LINGO2: variants seen among roughly 807,000 people sequenced by gnomAD.
LINGO2 encodes the protein leucine-rich repeat and immunoglobulin-like domain-containing nogo receptor-interacting protein 2.
Under a neutral mutation model 30.6 loss-of-function variants are expected in LINGO2, and 14 were observed. The observed-to-expected ratio is 0.46, with a 90% CI of 0.30 to 0.72. The LOEUF is 0.72. Among genes scored for constraint, LINGO2 ranks in the 30% least tolerant of loss-of-function variants. LINGO2 has a pLI of 0.07. For missense variants in LINGO2, 729 were observed against 751.7 expected (o/e 0.97, Z 0.35); for synonymous variants, 317 against 288.5 (o/e 1.10, Z -1.00).
the LINGO2 span, among the ~76,000 whole-genome samples, chr9:28,721,873 G>A: frequency 6.6e-6 from 1 of 151,434 alleles, no homozygotes; most frequent in Non-Finnish European, 1.5e-5. Context: ...CCAAAGTCTA[G>A]CTTTGGGCTC....
chr9:28,880,591 T>C, the LINGO2 span, among the ~76,000 whole-genome samples: 11 of 152,132 alleles, frequency 7.2e-5, no homozygotes, highest in South Asian at 1.9e-3. Context: ...GTCTGAAATA[T>C]GGCCTCGTGG....
chr9:28,642,727 C>A (rs4609273), intron 1 of LINGO2, among the ~76,000 whole-genome samples: 42,294 of 151,968 alleles, frequency 0.28, 6,801 homozygotes, highest in African/African-American at 0.45. Flanking sequence ...ATGACTCCTT[C>A]TGCTTATTAT....
At chr9:27,964,659 A>T (rs1820009605) in intron 5 of LINGO2, among the ~76,000 whole-genome samples, 1 of 152,058 alleles carries the variant, frequency 6.6e-6, no homozygotes, top group African/African-American at 2.4e-5. Flanking sequence ...GAAAATTGTT[A>T]TTTAATTGGA....
At chr9:28,884,195 GT>G in the LINGO2 span, among the ~76,000 whole-genome samples, 2 of 151,872 alleles carry the variant, frequency 1.3e-5, no homozygotes, top group African/African-American at 4.8e-5. Flanking sequence ...TTCCCTTACA[GT>G]TTTTGTTTTG....
At chr9:28,966,768 T>C in the LINGO2 span, among the ~76,000 whole-genome samples, 46 of 152,228 alleles carry the variant, frequency 3.0e-4, no homozygotes, top group African/African-American at 9.6e-4. Context: ...GTCCCCAGGA[T>C]GAACTGCTTT....
the LINGO2 span, among the ~76,000 whole-genome samples, chr9:28,710,806 A>C: frequency 2.0e-5 from 3 of 152,154 alleles, no homozygotes; most frequent in Non-Finnish European, 4.4e-5. Flanking sequence ...CATTAGATTT[A>C]AAAAAATATC....
At chr9:28,721,486 A>C in the LINGO2 span, among the ~76,000 whole-genome samples, 1 of 152,324 alleles carries the variant, frequency 6.6e-6, no homozygotes, top group Admixed American at 6.5e-5. Flanking sequence ...GCCATAAAAA[A>C]GGATGAGTTC....
chr9:29,071,058 C>A, the LINGO2 span, among the ~76,000 whole-genome samples: 5 of 149,748 alleles, frequency 3.3e-5, no homozygotes, highest in Non-Finnish European at 5.9e-5. Context: ...ACATACAGAC[C>A]CATACATATT....
At chr9:28,556,110 A>T (rs964075987) in intron 1 of LINGO2, among the ~76,000 whole-genome samples, 13 of 151,712 alleles carry the variant, frequency 8.6e-5, no homozygotes, top group Non-Finnish European at 1.9e-4. Context: ...CTCTCTCACC[A>T]CTCCTATTCA....
intron 1 of LINGO2, among the ~76,000 whole-genome samples, chr9:28,608,522 C>G (rs1825785574): frequency 6.6e-6 from 1 of 151,914 alleles, no homozygotes; most frequent in African/African-American, 2.4e-5. Context: ...GCATAAATAG[C>G]AGAAGGTTCT....
chr9:28,267,062 A>G lies in LINGO2; in HGVS notation c.-87+28146T>C, dbSNP rs374680153. On this transcript the variant is annotated intron_variant, in intron 4 of 5. Transcript: ENST00000379992. ...GAATTCTTCTTCCATGTTTCCAGAC[A>G]GTGCAATAATGCCCTGTTTGTGTAG... Among the ~76,000 whole-genome samples, 33 of 152,174 alleles carry G rather than the reference A, an allele frequency of 2.2e-4. 1 individual carries two copies. Among genetic ancestry groups the G allele is most frequent in the African/African-American group, 7.5e-4 (31 of 41,546 alleles).
chr9:28,582,417 T>C (rs1824301818), intron 1 of LINGO2, among the ~76,000 whole-genome samples: 1 of 152,052 alleles, frequency 6.6e-6, no homozygotes, highest in Non-Finnish European at 1.5e-5. Context: ...AATCAGTCAT[T>C]CAACAATGGC....
chr9:28,604,393 C>T (rs1825617752), intron 1 of LINGO2, among the ~76,000 whole-genome samples: 1 of 151,966 alleles, frequency 6.6e-6, no homozygotes, highest in African/African-American at 2.4e-5. Flanking sequence ...AGCCCTTGTT[C>T]AATTTGGATT....
At chr9:28,290,188 C>G (rs1209889071) in intron 4 of LINGO2, among the ~76,000 whole-genome samples, 3 of 152,168 alleles carry the variant, frequency 2.0e-5, no homozygotes, top group East Asian at 3.8e-4. Flanking sequence ...GACAACTGAA[C>G]CCAAGTTGGG....
intron 4 of LINGO2, among the ~76,000 whole-genome samples, chr9:28,150,043 G>A (rs1256616960): frequency 6.6e-6 from 1 of 151,374 alleles, no homozygotes; most frequent in Non-Finnish European, 1.5e-5. Flanking sequence ...CTCACCATCT[G>A]GGAAATGAGG....
chr9:28,742,995 C>T, the LINGO2 span, among the ~76,000 whole-genome samples: 7 of 152,024 alleles, frequency 4.6e-5, no homozygotes, highest in East Asian at 1.4e-3. Context: ...TAGTTACCTA[C>T]ATAATTGCCT....
At chr9:28,631,968 T>G (rs896775741) in intron 1 of LINGO2, among the ~76,000 whole-genome samples, 2 of 152,172 alleles carry the variant, frequency 1.3e-5, no homozygotes, top group African/African-American at 4.8e-5. Context: ...GTCTATACAT[T>G]CCTAAAGATC....
chr9:28,455,692 A>G (rs1489865996), intron 2 of LINGO2, among the ~76,000 whole-genome samples: 1 of 152,164 alleles, frequency 6.6e-6, no homozygotes, highest in African/African-American at 2.4e-5. Flanking sequence ...CTTACAACCC[A>G]GCAATGGCAT....
chr9:28,214,560 T>C (rs1197988627), intron 4 of LINGO2, among the ~76,000 whole-genome samples: 1 of 151,608 alleles, frequency 6.6e-6, no homozygotes, highest in Admixed American at 6.6e-5. Context: ...GTACTATAGG[T>C]CCATCTGGCC....
Sources: allele counts gnomAD v4.1 joint callset (sites outside exome capture counted in the v4.1 genomes callset), GRCh38; gene constraint gnomAD v4.1.1; transcripts MANE v1.5; gene names NCBI Gene and HGNC (gene_info 2026-07-23, HGNC 2026-07-21).